The following ERC2 variants were observed in gnomAD, a reference collection of about 807,000 sequenced individuals.
ERC2 encodes the protein ERC protein 2.
A neutral mutation model predicts 114.8 loss-of-function variants in ERC2; 42 were observed. The observed-to-expected ratio is 0.37, with a 90% CI of 0.29 to 0.47. The LOEUF is 0.47. Ranked by LOEUF, ERC2 falls within the 20% of genes least tolerant of loss-of-function variation. The probability of loss-of-function intolerance (pLI) is 0.99; values close to 1 mark genes in which losing one functional copy is unlikely to be tolerated. For synonymous variants in ERC2, 454 were observed against 425.5 expected (o/e 1.07, Z -0.82); for missense variants, 939 against 1,150.7 (o/e 0.82, Z 2.66).
chr3:56,128,926 T>G (rs1289472829), intron 6 of ERC2, among the ~76,000 whole-genome samples: 1 of 152,236 alleles, frequency 6.6e-6, no homozygotes, highest in Non-Finnish European at 1.5e-5. Context: ...AGTAGTATTG[T>G]AGGAGCCAGA....
At chr3:55,701,212 CA>C (rs2063208635) in intron 15 of ERC2, among the ~76,000 whole-genome samples, 1 of 152,194 alleles carries the variant, frequency 6.6e-6, no homozygotes, top group Non-Finnish European at 1.5e-5. Context: ...AACTTATTCT[CA>C]ATACTTTCCC....
intron 12 of ERC2, among the ~76,000 whole-genome samples, chr3:55,960,632 G>C (rs575853056): frequency 2.3e-4 from 35 of 152,230 alleles, no homozygotes; most frequent in African/African-American, 8.2e-4. Flanking sequence ...ACAAGCAGGA[G>C]TCCATCCCCA....
At chr3:56,240,822 CT>C (rs1560442685) in intron 3 of ERC2, among the ~76,000 whole-genome samples, 1 of 152,082 alleles carries the variant, frequency 6.6e-6, no homozygotes, top group South Asian at 2.1e-4. Context: ...AAACAACTTT[CT>C]TTTTAAAATT....
chr3:55,860,436 CTCT>C (rs2061980464), intron 14 of ERC2, among the ~76,000 whole-genome samples: 1 of 151,950 alleles, frequency 6.6e-6, no homozygotes, highest in African/African-American at 2.4e-5. Context: ...GTGTTTTTTT[CTCT>C]TTTCTTTTTT....
At chr3:55,671,339 GT>G (rs1327772653) in intron 17 of ERC2, among the ~76,000 whole-genome samples, 14 of 151,990 alleles carry the variant, frequency 9.2e-5, no homozygotes, top group African/African-American at 3.1e-4. Context: ...ATGAACATTT[GT>G]TTTCTTTCTT....
intron 17 of ERC2, among the ~76,000 whole-genome samples, chr3:55,572,179 C>G (rs1177750626): frequency 6.6e-6 from 1 of 152,216 alleles, no homozygotes; most frequent in Non-Finnish European, 1.5e-5. Flanking sequence ...GGCCAGGGAG[C>G]GTCGCCTTTT....
chr3:56,259,356 T>C (rs2150255870), intron 3 of ERC2, among the ~76,000 whole-genome samples: 1 of 152,332 alleles, frequency 6.6e-6, no homozygotes, highest in East Asian at 1.9e-4. Flanking sequence ...TTGGAAGATG[T>C]ACGTTCACTG....
chr3:55,638,320 C>CT (rs1197376902), intron 17 of ERC2, among the ~76,000 whole-genome samples: 1 of 152,152 alleles, frequency 6.6e-6, no homozygotes, highest in East Asian at 1.9e-4. Flanking sequence ...GCTTTTTCTC[C>CT]ATTTTTACAT....
intron 7 of ERC2, among the ~76,000 whole-genome samples, chr3:56,057,418 C>A (rs1035341754): frequency 1.3e-5 from 2 of 152,062 alleles, no homozygotes; most frequent in African/African-American, 4.8e-5. Context: ...TTACTCATTT[C>A]TTGGTTTTGC....
intron 13 of ERC2, among the ~76,000 whole-genome samples, chr3:55,947,688 C>T (rs1031560963): frequency 6.6e-6 from 1 of 152,174 alleles, no homozygotes; most frequent in Non-Finnish European, 1.5e-5. Flanking sequence ...AAGTGCCCAG[C>T]CAAACCCACC....
intron 5 of ERC2, 139 bp from the exon 6 acceptor site, chr3:56,139,815 A>G: frequency 1.1e-6 from 1 of 940,778 alleles, no homozygotes; most frequent in Non-Finnish European, 1.6e-6. Flanking sequence ...TGCTTAAAAA[A>G]GATGGCCTTG....
chr3:55,516,748 G>A (rs2107169232), intron 17 of ERC2, among the ~76,000 whole-genome samples: 1 of 152,340 alleles, frequency 6.6e-6, no homozygotes, highest in Non-Finnish European at 1.5e-5. Context: ...AGCACAGACT[G>A]CTATGTCTCC....
At chr3:56,378,547 T>G (rs1277070696) in intron 2 of ERC2, among the ~76,000 whole-genome samples, 2 of 136,914 alleles carry the variant, frequency 1.5e-5, no homozygotes, top group African/African-American at 5.5e-5. Flanking sequence ...AATGTGCACA[T>G]GTACCCTAAA....
intron 6 of ERC2, among the ~76,000 whole-genome samples, chr3:56,128,416 A>T (rs2080012337): frequency 6.6e-6 from 1 of 152,210 alleles, no homozygotes; most frequent in South Asian, 2.1e-4. Context: ...GAGATCCAAT[A>T]AAAAGCTTAT....
chr3:55,974,646 TC>T (rs2069438569), intron 12 of ERC2, among the ~76,000 whole-genome samples: 3 of 152,168 alleles, frequency 2.0e-5, no homozygotes. Context: ...ACCGAGGTCT[TC>T]CCCCATCTCT....
chr3:55,832,898 C>T (rs2060672929), intron 14 of ERC2, among the ~76,000 whole-genome samples: 1 of 151,968 alleles, frequency 6.6e-6, no homozygotes, highest in African/African-American at 2.4e-5. Flanking sequence ...ATAACCAATA[C>T]AGAGAAGTGC....
chr3:55,899,997 G>A (rs1226042129), intron 13 of ERC2, among the ~76,000 whole-genome samples: 3 of 152,120 alleles, frequency 2.0e-5, no homozygotes, highest in Non-Finnish European at 4.4e-5. Context: ...AAAAAGATGG[G>A]GCCCTCTGGC....
In ERC2 at chr3:55,997,880, GTTTTTT is replaced by G. The variant is rs869077498; in HGVS notation, c.2062-5636_2062-5631del. Among the ~76,000 whole-genome samples, 235 of 44,766 alleles carry G rather than the reference GTTTTTT, an allele frequency of 5.2e-3. 2 individuals are homozygous for G. Among genetic ancestry groups the G allele is most frequent in the African/African-American group, 0.013 (146 of 11,336 alleles). 29.4% of individuals were successfully genotyped at this position (44,766 alleles called of 152,430 possible). On this transcript the variant is annotated intron_variant, in intron 10 of 17. Coordinates refer to ENST00000288221, the MANE Select transcript of ERC2 (RefSeq NM_015576.3). ...TTGAAATGTTATACATCTTAATTCT[GTTTTTT>G]TTTTTTTTTTTTTTTTTTTTTGTGT...
chr3:56,368,764 C>T (rs1253899321), intron 2 of ERC2, among the ~76,000 whole-genome samples: 2 of 151,868 alleles, frequency 1.3e-5, no homozygotes, highest in East Asian at 3.9e-4. Context: ...GCCCCCTTCC[C>T]ACAACATCGT....
Sources: allele counts gnomAD v4.1 joint callset (sites outside exome capture counted in the v4.1 genomes callset), GRCh38; gene constraint gnomAD v4.1.1; transcripts MANE v1.5; gene names NCBI Gene and HGNC (gene_info 2026-07-23, HGNC 2026-07-21).